SCUBE1: variants seen among roughly 807,000 people sequenced by gnomAD.
SCUBE1 encodes signal peptide, CUB and EGF-like domain-containing protein 1.
SCUBE1 carries 59 observed loss-of-function variants against 124.4 expected under a neutral mutation model. That is an observed-to-expected ratio of 0.47 (90% CI 0.38 to 0.59). The LOEUF is 0.59. Ranked by LOEUF, SCUBE1 falls within the 20% of genes least tolerant of loss-of-function variation. The pLI, the probability that SCUBE1 is intolerant of heterozygous loss-of-function variation, is 0.00. For synonymous variants in SCUBE1, 545 were observed against 550.9 expected, an observed-to-expected ratio of 0.99 and a Z score of 0.15; for missense variants, 1,150 against 1,371.2, an observed-to-expected ratio of 0.84 and a Z score of 2.55.
intron 1 of SCUBE1, among the ~76,000 whole-genome samples, chr22:43,342,270 G>C (rs570277762): frequency 2.2e-4 from 34 of 151,866 alleles, no homozygotes; most frequent in African/African-American, 7.5e-4. Context: ...AGGGTGGGGG[G>C]GTCCCCGTGA....
At chr22:43,239,018 C>T (rs969369660) in intron 6 of SCUBE1, 64 bp from the exon 7 acceptor site, 62 of 1,310,422 alleles carry the variant, frequency 4.7e-5, no homozygotes, top group Admixed American at 1.4e-4. Context: ...TTTCCCCTTC[C>T]GTGGAAAGAT....
Position 43,223,304 on chromosome 22 carries a change from G to T in SCUBE1, c.1208-88C>A, listed in dbSNP as rs559973765. 23 of 1,421,422 alleles carry T rather than the reference G, an allele frequency of 1.6e-5. No homozygotes were observed. In the Admixed American group the frequency reaches 6.3e-4, roughly 39 times the overall value. 88.1% of individuals were successfully genotyped at this position (1,421,422 alleles called of 1,614,324 possible). A position where few individuals can be genotyped will look rare whatever the true frequency, so the allele number is the denominator to read the frequency against. On this transcript the variant is annotated intron_variant, in intron 10 of 21. Transcript: ENST00000360835. ...AGGGTCCTGGGTATGGCCTAATGGG[G>T]ACTCCCCCAACTCCCTTCTTCCATG...
At chr22:43,308,740 C>CG (rs1417791364) in intron 3 of SCUBE1, among the ~76,000 whole-genome samples, 9 of 152,186 alleles carry the variant, frequency 5.9e-5, no homozygotes, top group Middle Eastern at 3.2e-3. Context: ...CAGGCCCCAT[C>CG]GGGAGTCCCC....
intron 13 of SCUBE1, 149 bp from the exon 14 acceptor site, chr22:43,220,736 T>G: frequency 2.9e-6 from 3 of 1,028,586 alleles, no homozygotes; most frequent in Non-Finnish European, 4.1e-6. Flanking sequence ...CAGGGCTGGC[T>G]CGGGGTCTCA....
chr22:43,216,989 C>A (rs1468141105), intron 15 of SCUBE1, among the ~76,000 whole-genome samples: 2 of 118,676 alleles, frequency 1.7e-5, no homozygotes, highest in African/African-American at 3.7e-5. Flanking sequence ...AGCTTCCCCC[C>A]ACCCCGCCAG....
rs968709360 is a variant in SCUBE1 at position 43,238,849 on chromosome 22, T to C, written c.833A>G (p.Lys278Arg). The change falls in exon 7 of 22, where the codon AAG (lysine) becomes AGG (arginine). Residue 278 changes from lysine to arginine, a missense_variant. Lys to Arg is a conservative substitution (Grantham distance 26, BLOSUM62 2). This residue lies in a region of SCUBE1 where 337 missense variants were observed against 482.1 expected (regional missense o/e 0.70). Coordinates refer to ENST00000360835, the MANE Select transcript of SCUBE1 (RefSeq NM_173050.5). ...CTCCACATGCTGACCTTTGCATGTC[T>C]TCCCGTCCGGCTGCAGTGTGAATCC... ...PVGFTLQPDG[K>R]TCKDINECLV... The C allele has an allele frequency of 6.2e-7, 1 of 1,613,058 alleles. No homozygotes were observed. The highest frequency in any genetic ancestry group is 8.5e-7 in the Non-Finnish European group (1 of 1,179,824).
In SCUBE1 at chr22:43,221,286, G is replaced by T; in HGVS notation, c.1436C>A (p.Ala479Asp). 1.2e-6 allele frequency: 2 copies of T among 1,606,602 alleles called. No individual in the cohort carries two copies. The highest frequency in any genetic ancestry group is 8.5e-7 in the Non-Finnish European group (1 of 1,178,546). ...CTTCTGTTTGATGGGGGTGGTGGGG[G>T]CATCTGGGGAAAGCCAAAATTCCCC... ...SSGLGPSCSD[A>D]PTTPIKQKAR... Residue 479 changes from alanine to aspartate, a missense_variant, in exon 13 of 22, where the codon GCC becomes GAC. Ala to Asp is a moderately radical substitution (Grantham distance 126, BLOSUM62 -2). Coordinates refer to ENST00000360835, the MANE Select transcript of SCUBE1 (RefSeq NM_173050.5).
chr22:43,327,809 T>A (rs1423050891), intron 2 of SCUBE1, among the ~76,000 whole-genome samples: 4 of 152,046 alleles, frequency 2.6e-5, no homozygotes, highest in African/African-American at 7.2e-5. Flanking sequence ...ATAAAATAAA[T>A]TAAACAGATA....
chr22:43,306,031 C>T (rs1925956325), intron 3 of SCUBE1, among the ~76,000 whole-genome samples: 1 of 152,214 alleles, frequency 6.6e-6, no homozygotes, highest in Non-Finnish European at 1.5e-5. Context: ...CAGCTGGAAC[C>T]TGTCCCGGTG....
chr22:43,256,201 G>A (rs536666075), intron 6 of SCUBE1, among the ~76,000 whole-genome samples: 21 of 152,334 alleles, frequency 1.4e-4, no homozygotes, highest in Non-Finnish European at 2.2e-4. Context: ...TTTGGGCAGC[G>A]CTGGTTGCCT....
intron 7 of SCUBE1, among the ~76,000 whole-genome samples, chr22:43,235,732 C>A (rs577436451): frequency 1.3e-5 from 2 of 152,182 alleles, no homozygotes; most frequent in Admixed American, 6.5e-5. Flanking sequence ...GCTACAGTCA[C>A]TTTCCCATCC....
chr22:43,250,760 G>T (rs1035401462), intron 6 of SCUBE1, among the ~76,000 whole-genome samples: 1 of 152,196 alleles, frequency 6.6e-6, no homozygotes, highest in Non-Finnish European at 1.5e-5. Flanking sequence ...GGGGTCCCTA[G>T]CCTGCAGCTC....
intron 2 of SCUBE1, among the ~76,000 whole-genome samples, chr22:43,333,422 C>T (rs986128039): frequency 6.6e-6 from 1 of 152,190 alleles, no homozygotes; most frequent in East Asian, 1.9e-4. Flanking sequence ...TGTCCACTGG[C>T]CATAAGACAA....
chr22:43,228,959 C>T, intron 9 of SCUBE1, 113 bp downstream of exon 9: 1 of 765,524 alleles, frequency 1.3e-6, no homozygotes, highest in East Asian at 2.7e-5. Context: ...TTGCTGAGGC[C>T]TCAGGCCCCC....
At position 43,258,387 on chromosome 22, in the gene SCUBE1, G is replaced by A. The variant is rs145359579; in HGVS notation, c.611-52C>T. The A allele has an allele frequency of 2.0e-4, 272 of 1,387,290 alleles. 2 individuals are homozygous for A. The East Asian group carries it at 3.5e-3, about 18-fold the overall frequency. 85.9% of individuals were successfully genotyped at this position (1,387,290 alleles called of 1,614,324 possible). A position where few individuals can be genotyped will look rare whatever the true frequency, so the allele number is the denominator to read the frequency against. On this transcript the variant is annotated intron_variant, in intron 5 of 21. Transcript: ENST00000360835. The surrounding 1 kb of genome is among the most constrained non-coding windows in gnomAD (Gnocchi z 5.0). Reference sequence around the variant, plus strand: ...GGTGTATAAACAGAACAACAAAAACGGTTAGTTTGCCGGTGTTGGCGGCTG... The same window carrying A: ...GGTGTATAAACAGAACAACAAAAACAGTTAGTTTGCCGGTGTTGGCGGCTG...
chr22:43,234,155 G>A lies in SCUBE1; in HGVS notation c.845-2280C>T, dbSNP rs1030304591. On this transcript the variant is annotated intron_variant, in intron 7 of 21. Coordinates refer to ENST00000360835, the MANE Select transcript of SCUBE1 (RefSeq NM_173050.5). This position sits in a 1 kb window ranked among gnomAD's most constrained non-coding sequence, Gnocchi z 4.4. ...GGAATCTCTATCATTCCTTCCCCCCGAGCCCCGGGATTATAGGCAGATGGG... is the reference window on the plus strand; with the variant it reads ...GGAATCTCTATCATTCCTTCCCCCCAAGCCCCGGGATTATAGGCAGATGGG... Among the ~76,000 whole-genome samples the A allele has an allele frequency of 1.3e-5, 2 of 151,940 alleles. No individual in the cohort carries two copies. The highest frequency in any genetic ancestry group is 2.4e-5 in the African/African-American group (1 of 41,384).
chr22:43,302,031 C>G (rs907197672), intron 3 of SCUBE1, among the ~76,000 whole-genome samples: 3 of 152,230 alleles, frequency 2.0e-5, no homozygotes, highest in Non-Finnish European at 4.4e-5. Context: ...GGAGCATGTG[C>G]TGGCTACCAG....
At chr22:43,319,558 CAAAAAAAAAAA>C (rs35230785) in intron 3 of SCUBE1, among the ~76,000 whole-genome samples, 7 of 55,198 alleles carry the variant, frequency 1.3e-4, no homozygotes, top group African/African-American at 5.8e-4. Flanking sequence ...GACTCCATCT[CAAAAAAAAAAA>C]AAAAAAAAAA....
intron 7 of SCUBE1, chr22:43,238,419 G>A: frequency 2.1e-6 from 1 of 465,310 alleles, no homozygotes; most frequent in Non-Finnish European, 3.9e-6. Flanking sequence ...GTCCCCATCA[G>A]CTCTGCAAGA....
Sources: allele counts gnomAD v4.1 joint callset (sites outside exome capture counted in the v4.1 genomes callset), GRCh38; gene constraint gnomAD v4.1.1; regional missense constraint gnomAD v4.1.1; non-coding constraint Gnocchi (gnomAD v3.1); transcripts MANE v1.5; gene names NCBI Gene and HGNC (gene_info 2026-07-23, HGNC 2026-07-21).